Variants in MAPRE2 observed in about 807,000 individuals in gnomAD.
The protein encoded by MAPRE2 is microtubule-associated protein RP/EB family member 2.
Under a neutral mutation model 43.2 loss-of-function variants are expected in MAPRE2, and 13 were observed. The ratio of observed to expected loss-of-function variants is 0.30; its 90% confidence interval spans 0.20 to 0.48. The LOEUF (loss-of-function observed/expected upper bound fraction) is 0.48. Among genes scored for constraint, MAPRE2 ranks in the 20% least tolerant of loss-of-function variants. The probability of loss-of-function intolerance (pLI) is 0.99; values close to 1 mark genes in which losing one functional copy is unlikely to be tolerated. For missense variants in MAPRE2, 161 were observed against 400.2 expected (o/e 0.40, Z 5.10); for synonymous variants, 135 against 148.8 (o/e 0.91, Z 0.68).
intron 1 of MAPRE2, among the ~76,000 whole-genome samples, chr18:35,044,826 T>C (rs1172640476): frequency 1.3e-5 from 2 of 152,200 alleles, no homozygotes; most frequent in Admixed American, 1.3e-4. Context: ...GAGACATTAC[T>C]GTTATAGCAT....
intron 1 of MAPRE2, among the ~76,000 whole-genome samples, chr18:35,003,496 C>T (rs918399968): frequency 7.2e-5 from 11 of 152,302 alleles, no homozygotes; most frequent in African/African-American, 2.6e-4. Flanking sequence ...ATGACTGGTG[C>T]ATAAGGTGTT....
chr18:35,044,239 T>C lies in MAPRE2; in HGVS notation c.122+2578T>C, dbSNP rs188430537. On this transcript the variant is annotated intron_variant, in intron 1 of 6. Transcript: ENST00000300249. ...CTTTATCTTAGGCTTTCTTTTCTTTTCTTTTTTTGCGACAGAATTTTGCTC... is the reference window on the plus strand; with the variant it reads ...CTTTATCTTAGGCTTTCTTTTCTTTCCTTTTTTTGCGACAGAATTTTGCTC... Among the ~76,000 whole-genome samples the C allele has an allele frequency of 2.1e-3, 322 of 152,334 alleles. 2 individuals are homozygous for C. Among genetic ancestry groups the C allele is most frequent in the Admixed American group, 4.4e-3 (68 of 15,306 alleles).
chr18:35,041,275 C>A, upstream of MAPRE2: 1 of 1,349,722 alleles, frequency 7.4e-7, no homozygotes, highest in Non-Finnish European at 9.6e-7. Flanking sequence ...CGACCCTGTG[C>A]GAATTGAGGC....
intron 2 of MAPRE2, among the ~76,000 whole-genome samples, chr18:35,088,117 T>C (rs1336250015): frequency 1.3e-5 from 2 of 152,214 alleles, no homozygotes; most frequent in African/African-American, 4.8e-5. Flanking sequence ...ACATGCATTT[T>C]GGAGGGGATA....
rs117962670 is a variant in MAPRE2 at position 35,027,662 on chromosome 18, C to G, written c.-8+22109C>G. Among the ~76,000 whole-genome samples the G allele has an allele frequency of 1.5e-3, 227 of 152,282 alleles. 4 individuals carry two copies. The East Asian group carries it at 0.033, about 22-fold the overall frequency. ...TATTTTAATCCACCAAGTTTAGAGT[C>G]ACAATAGAGAACCAACAGGGTTTTT... is the stretch of plus-strand genomic sequence containing the variant. On this transcript the variant is annotated intron_variant, in intron 2 of 7. Transcript: ENST00000413393.
At chr18:35,095,435 A>G (rs1350709827) in intron 2 of MAPRE2, among the ~76,000 whole-genome samples, 1 of 151,222 alleles carries the variant, frequency 6.6e-6, no homozygotes, top group Admixed American at 6.6e-5. Context: ...GAGGATTAGA[A>G]TGGCATATAC....
intron 6 of MAPRE2, 89 bp from the exon 7 acceptor site, chr18:35,140,206 C>T (rs555541700): frequency 1.8e-5 from 21 of 1,163,464 alleles, no homozygotes; most frequent in South Asian, 9.3e-5. Context: ...AGCCTTGAGA[C>T]GCCATGCTGG....
At position 35,140,553 on chromosome 18, in the gene MAPRE2, C is replaced by T. The variant is rs533571023; in HGVS notation, c.*184C>T. ...CATTTTCTTTGCCAAGGTGTATTAG[C>T]GGACGGCCCTCTGGCCACCTACCCG... On this transcript the variant is annotated 3_prime_UTR_variant, in exon 7 of 7. Coordinates refer to ENST00000300249, the MANE Select transcript of MAPRE2 (RefSeq NM_014268.4). The T allele has an allele frequency of 9.9e-6, 6 of 607,202 alleles. No individual in the cohort carries two copies. Among genetic ancestry groups the T allele is most frequent in the African/African-American group, 3.7e-5 (2 of 54,498 alleles). 37.6% of individuals were successfully genotyped at this position (607,202 alleles called of 1,614,324 possible).
At chr18:35,078,965 TC>T (rs148794648) in intron 2 of MAPRE2, among the ~76,000 whole-genome samples, 4,371 of 152,146 alleles carry the variant, frequency 0.029, 199 homozygotes, top group African/African-American at 0.1. Context: ...CTGATTGTTC[TC>T]CTTGTTCCTT....
At chr18:34,996,103 A>G (rs1162110201) in intron 1 of MAPRE2, among the ~76,000 whole-genome samples, 2 of 152,112 alleles carry the variant, frequency 1.3e-5, no homozygotes, top group African/African-American at 2.4e-5. Context: ...TTCAAACTCT[A>G]TATGCTCCCC....
At chr18:35,139,696 C>A (rs1416511123) in intron 6 of MAPRE2, among the ~76,000 whole-genome samples, 1 of 152,192 alleles carries the variant, frequency 6.6e-6, no homozygotes, top group Non-Finnish European at 1.5e-5. Flanking sequence ...GGCTGCTGTC[C>A]TTTCCTTAGC....
chr18:35,025,187 T>C (rs1603391185), intron 2 of MAPRE2, among the ~76,000 whole-genome samples: 1 of 152,312 alleles, frequency 6.6e-6, no homozygotes, highest in Middle Eastern at 3.4e-3. Context: ...GGAACTCTTC[T>C]CAAGTACTGT....
At position 35,142,118 on chromosome 18, in the gene MAPRE2, G is replaced by C. The variant is rs562479332; in HGVS notation, c.*1749G>C. On this transcript the variant is annotated 3_prime_UTR_variant, in exon 7 of 7. Coordinates refer to ENST00000300249, the MANE Select transcript of MAPRE2 (RefSeq NM_014268.4). The stretch of plus-strand genomic sequence containing the variant: ...TTATAGCAGCAGCTTATTTCTCTAA[G>C]GCTGGACAGCCTGGCTCTCGGCAGT... 6.6e-6 allele frequency: 1 copy of C among 152,210 alleles called. No homozygotes were observed. The allele number at this position is 152,210 out of a possible 1,614,324, so 9.4% of individuals were successfully genotyped here.
At chr18:35,116,716 T>C (rs1344717198) in intron 4 of MAPRE2, among the ~76,000 whole-genome samples, 1 of 152,178 alleles carries the variant, frequency 6.6e-6, no homozygotes, top group Non-Finnish European at 1.5e-5. Flanking sequence ...GTCTCTCTGG[T>C]GTGTTTGTCA....
chr18:35,129,249 T>G (rs1048747205), intron 5 of MAPRE2, among the ~76,000 whole-genome samples: 6 of 152,198 alleles, frequency 3.9e-5, no homozygotes, highest in African/African-American at 1.4e-4. Flanking sequence ...CGTGGTTCAC[T>G]GTTGACGTTC....
intron 2 of MAPRE2, among the ~76,000 whole-genome samples, chr18:35,021,140 A>G (rs2150587645): frequency 6.6e-6 from 1 of 152,302 alleles, no homozygotes; most frequent in Middle Eastern, 3.4e-3. Flanking sequence ...ATGGAGGATT[A>G]AGGAAGAAAG....
At chr18:35,086,968 T>G (rs1386483348) in intron 2 of MAPRE2, among the ~76,000 whole-genome samples, 1 of 152,208 alleles carries the variant, frequency 6.6e-6, no homozygotes, top group Non-Finnish European at 1.5e-5. Flanking sequence ...ATTTCCACTT[T>G]AAAAATGTCC....
chr18:35,132,731 A>G (rs1199302579), intron 6 of MAPRE2, among the ~76,000 whole-genome samples: 1 of 152,224 alleles, frequency 6.6e-6, no homozygotes, highest in Admixed American at 6.5e-5. Context: ...AAGTGCTGCT[A>G]TTCACAAGTG....
chr18:35,078,326 A>G (rs1248100687), intron 2 of MAPRE2, among the ~76,000 whole-genome samples: 1 of 152,124 alleles, frequency 6.6e-6, no homozygotes, highest in Non-Finnish European at 1.5e-5. Context: ...AAACAGTCCA[A>G]TTCAAGCCCA....
Sources: gnomAD v4.1 joint callset for allele counts (sites outside exome capture counted in the v4.1 genomes callset) on GRCh38, gnomAD v4.1.1 for gene constraint, MANE v1.5 for transcripts, NCBI Gene and HGNC (gene_info 2026-07-23, HGNC 2026-07-21) for gene names.